The following SLC1A2 variants were observed in gnomAD, a reference collection of about 807,000 sequenced individuals.
The protein encoded by SLC1A2 is excitatory amino acid transporter 2.
In SLC1A2, 15 loss-of-function variants were observed where a neutral mutation model predicts 48.8. The ratio of observed to expected loss-of-function variants is 0.31; its 90% CI spans 0.21 to 0.47. The LOEUF (loss-of-function observed/expected upper bound fraction) is 0.47. Ranked by LOEUF, SLC1A2 falls within the 20% of genes least tolerant of loss-of-function variation. SLC1A2 has a pLI of 0.99. For missense variants in SLC1A2, 502 were observed against 730.5 expected, an observed-to-expected ratio of 0.69 and a Z score of 3.61; for synonymous variants, 279 against 272.6, an observed-to-expected ratio of 1.02 and a Z score of -0.23.
intron 1 of SLC1A2, among the ~76,000 whole-genome samples, chr11:35,321,266 C>A (rs1852057517): frequency 6.6e-6 from 1 of 152,050 alleles, no homozygotes. Context: ...AGCTCCAATT[C>A]AAGATGAGAT....
chr11:35,332,914 C>G (rs115164952), intron 1 of SLC1A2, among the ~76,000 whole-genome samples: 3,447 of 152,264 alleles, frequency 0.023, 114 homozygotes, highest in African/African-American at 0.078. Flanking sequence ...TCTTCAGAGT[C>G]TCTCTCCTCT....
At chr11:35,367,338 T>C (rs1361103676) in intron 1 of SLC1A2, among the ~76,000 whole-genome samples, 1 of 152,152 alleles carries the variant, frequency 6.6e-6, no homozygotes, top group Non-Finnish European at 1.5e-5. Context: ...AAATAATTAT[T>C]CACACTGCAG....
At chr11:35,358,241 T>C (rs939604203) in intron 1 of SLC1A2, among the ~76,000 whole-genome samples, 1 of 152,180 alleles carries the variant, frequency 6.6e-6, no homozygotes, top group African/African-American at 2.4e-5. Context: ...AGAAGGGGAA[T>C]ACAACATTTC....
At chr11:35,276,510 A>C (rs1378912714) in intron 9 of SLC1A2, among the ~76,000 whole-genome samples, 2 of 151,970 alleles carry the variant, frequency 1.3e-5, no homozygotes. Flanking sequence ...CCCTGGAGTT[A>C]GGACGCTCTG....
chr11:35,276,272 G>C (rs992187221), intron 9 of SLC1A2, among the ~76,000 whole-genome samples: 12 of 152,058 alleles, frequency 7.9e-5, no homozygotes, highest in Admixed American at 6.6e-4. Context: ...CTCAGACTGA[G>C]GGCTCCTGCC....
chr11:35,414,320 C>A (rs1855547758), intron 1 of SLC1A2, among the ~76,000 whole-genome samples: 1 of 152,148 alleles, frequency 6.6e-6, no homozygotes. Flanking sequence ...TCCTTTAATA[C>A]TGCGGGCCCA....
At chr11:35,374,350 A>G in intron 1 of SLC1A2, 1 of 885,088 alleles carries the variant, frequency 1.1e-6, no homozygotes, top group Non-Finnish European at 1.8e-6. Flanking sequence ...CAGAATTTAA[A>G]TAGCGATGTG....
chr11:35,398,463 G>A (rs1286782771), intron 1 of SLC1A2, among the ~76,000 whole-genome samples: 2 of 152,138 alleles, frequency 1.3e-5, no homozygotes, highest in African/African-American at 2.4e-5. Context: ...TAAACATTGA[G>A]GACATATGGA....
chr11:35,389,959 T>C (rs1284462367), intron 1 of SLC1A2, among the ~76,000 whole-genome samples: 1 of 152,262 alleles, frequency 6.6e-6, no homozygotes, highest in Non-Finnish European at 1.5e-5. Flanking sequence ...TTCTGTTTGC[T>C]ATCTGTAAAA....
intron 1 of SLC1A2, among the ~76,000 whole-genome samples, chr11:35,385,994 C>T (rs1018156660): frequency 1.3e-5 from 2 of 151,916 alleles, no homozygotes; most frequent in East Asian, 1.9e-4. Flanking sequence ...GGTGAAACCC[C>T]GTCTCTACTA....
In SLC1A2 at chr11:35,265,589, C is replaced by G; in HGVS notation, c.1591G>C (p.Glu531Gln). Residue 531 changes from glutamate to glutamine, a missense_variant, in exon 10 of 11, where the codon GAA (glutamate) becomes CAA (glutamine). Glu to Gln is a conservative substitution (Grantham distance 29). Coordinates refer to ENST00000278379, the MANE Select transcript of SLC1A2 (RefSeq NM_004171.4). ...TAGACACATTGATTAGAGTTGCTTTCCCTGTGGTTCTTCATGTCATCATAA... is the reference window on the plus strand; with the variant it reads ...TAGACACATTGATTAGAGTTGCTTTGCCTGTGGTTCTTCATGTCATCATAA... ...SIYDDMKNHRESNSNQCVYAA... is the reference protein window; with the variant it reads ...SIYDDMKNHRQSNSNQCVYAA... 1.2e-6 allele frequency: 2 copies of G among 1,612,776 alleles called. No individual in the cohort carries two copies. The highest frequency in any genetic ancestry group is 2.2e-5 in the South Asian group (2 of 91,056).
chr11:35,307,889 A>G (rs1234809850), intron 4 of SLC1A2, among the ~76,000 whole-genome samples: 2 of 152,176 alleles, frequency 1.3e-5, no homozygotes, highest in Non-Finnish European at 2.9e-5. Context: ...TCGTGCAGGG[A>G]GAGAGGAAGC....
At chr11:35,292,662 T>A in intron 6 of SLC1A2, 142 bp from the exon 7 acceptor site, 1 of 590,878 alleles carries the variant, frequency 1.7e-6, no homozygotes. Flanking sequence ...TTCATGTTAT[T>A]TTTTACTTTG....
At chr11:35,343,840 G>GCGCA (rs1852932282) in intron 1 of SLC1A2, among the ~76,000 whole-genome samples, 1 of 149,532 alleles carries the variant, frequency 6.7e-6, no homozygotes, top group African/African-American at 2.5e-5. Context: ...ACACACACAG[G>GCGCA]CACACACACA....
chr11:35,286,926 G>T lies in SLC1A2; in HGVS notation c.1117C>A (p.Arg373Ser). 2 of 1,614,008 alleles carry T rather than the reference G, an allele frequency of 1.2e-6. No individual in the cohort carries two copies. Among genetic ancestry groups the T allele is most frequent in the Non-Finnish European group, 1.7e-6 (2 of 1,179,894 alleles). ...SSAGTLPVTF[R>S]CLEENLGIDK... The stretch of plus-strand genomic sequence containing the variant: ...ATCCCCAGATTTTCTTCCAGGCAAC[G>T]AAAGGTGACAGGCAAAGTTCCAGCA... Residue 373 changes from arginine (R) to serine (S), a missense_variant, in exon 8 of 11, where the codon CGT becomes AGT. Physicochemically the swap from Arg to Ser is moderately radical, Grantham distance 110. Transcript: ENST00000278379.
intron 1 of SLC1A2, among the ~76,000 whole-genome samples, chr11:35,353,849 C>T (rs986398678): frequency 6.6e-6 from 1 of 152,200 alleles, no homozygotes; most frequent in Non-Finnish European, 1.5e-5. Context: ...ATTTCAATTA[C>T]AGGCCAAAGC....
At chr11:35,373,887 C>T (rs1854137800) in intron 1 of SLC1A2, among the ~76,000 whole-genome samples, 1 of 152,224 alleles carries the variant, frequency 6.6e-6, no homozygotes, top group Non-Finnish European at 1.5e-5. Flanking sequence ...TTGCTAAGTA[C>T]TCCATGCAGA....
chr11:35,411,144 GA>G (rs998475458), intron 1 of SLC1A2, among the ~76,000 whole-genome samples: 1 of 152,190 alleles, frequency 6.6e-6, no homozygotes, highest in African/African-American at 2.4e-5. Flanking sequence ...TTGAGTTCCA[GA>G]AAAATCCTGG....
At chr11:35,305,795 C>G (rs1489015962) in intron 5 of SLC1A2, among the ~76,000 whole-genome samples, 1 of 152,176 alleles carries the variant, frequency 6.6e-6, no homozygotes, top group Non-Finnish European at 1.5e-5. Flanking sequence ...CTTTCTAACA[C>G]CACACAGAGA....
Sources: gnomAD v4.1 joint callset for allele counts (sites outside exome capture counted in the v4.1 genomes callset) on GRCh38, gnomAD v4.1.1 for gene constraint, MANE v1.5 for transcripts, NCBI Gene and HGNC (gene_info 2026-07-23, HGNC 2026-07-21) for gene names.